The following ADGRB3 variants were observed in gnomAD, a reference collection of about 807,000 sequenced individuals.
ADGRB3 encodes brain-specific angiogenesis inhibitor 3.
Under a neutral mutation model 193.4 loss-of-function variants are expected in ADGRB3, and 37 were observed. The ratio of observed to expected loss-of-function variants is 0.19; its 90% CI spans 0.15 to 0.25. The LOEUF is 0.25. Ranked by LOEUF, ADGRB3 falls within the 10% of genes least tolerant of loss-of-function variation. The probability of loss-of-function intolerance (pLI) is 1.00; values close to 1 mark genes in which losing one functional copy is unlikely to be tolerated. For missense variants in ADGRB3, 1,637 were observed against 1,852.9 expected (o/e 0.88, Z 2.14); for synonymous variants, 690 against 644.2 (o/e 1.07, Z -1.08).
At chr6:69,355,554 T>A (rs1769320048) in intron 27 of ADGRB3, among the ~76,000 whole-genome samples, 1 of 152,228 alleles carries the variant, frequency 6.6e-6, no homozygotes, top group Admixed American at 6.5e-5. Context: ...TATATAGTAA[T>A]CAGTTTCCAG....
At chr6:69,090,379 CA>C (rs1772670621) in intron 17 of ADGRB3, among the ~76,000 whole-genome samples, 1 of 152,148 alleles carries the variant, frequency 6.6e-6, no homozygotes. Flanking sequence ...TGTCATTGGA[CA>C]GGCTATCCTT....
At chr6:68,999,622 T>G (rs1342543170) in intron 11 of ADGRB3, among the ~76,000 whole-genome samples, 1 of 152,212 alleles carries the variant, frequency 6.6e-6, no homozygotes, top group Admixed American at 6.5e-5. Context: ...AAGATATCTT[T>G]TGTTGTTGTT....
At chr6:69,023,953 G>C (rs1231404589) in intron 13 of ADGRB3, among the ~76,000 whole-genome samples, 1 of 152,020 alleles carries the variant, frequency 6.6e-6, no homozygotes, top group Non-Finnish European at 1.5e-5. Context: ...GAGTATTTTT[G>C]ACATATTAAT....
At chr6:68,719,388 G>A (rs559424975) in intron 3 of ADGRB3, among the ~76,000 whole-genome samples, 3 of 151,758 alleles carry the variant, frequency 2.0e-5, no homozygotes. Flanking sequence ...TATAAAGTTA[G>A]TTAAAATTTT....
At chr6:69,282,863 A>G (rs1010250527) in intron 20 of ADGRB3, among the ~76,000 whole-genome samples, 2 of 152,238 alleles carry the variant, frequency 1.3e-5, no homozygotes, top group Non-Finnish European at 2.9e-5. Flanking sequence ...CAGTCATGTT[A>G]TCATACAAAG....
Position 69,376,400 on chromosome 6 carries a change from T to C in ADGRB3, c.4275+3959T>C, listed in dbSNP as rs138501559. On this transcript the variant is annotated intron_variant, in intron 30 of 31. Transcript: ENST00000370598. ...GGCATGAGCCACCGTTCCTGGCCTA[T>C]GTAGCCTTTTAAAAACATTTTAGGA... is the stretch of plus-strand genomic sequence containing the variant. Among the ~76,000 whole-genome samples, 311 of 152,126 alleles carry C rather than the reference T, an allele frequency of 2.0e-3. 1 individual carries two copies. Among genetic ancestry groups the C allele is most frequent in the African/African-American group, 7.0e-3 (289 of 41,524 alleles).
At chr6:69,163,859 A>G (rs993924466) in intron 17 of ADGRB3, among the ~76,000 whole-genome samples, 1 of 152,148 alleles carries the variant, frequency 6.6e-6, no homozygotes, top group Non-Finnish European at 1.5e-5. Flanking sequence ...TGCATGTTGC[A>G]TTCAGAGTAG....
intron 3 of ADGRB3, among the ~76,000 whole-genome samples, chr6:68,892,041 T>A (rs1236981169): frequency 6.6e-6 from 1 of 152,242 alleles, no homozygotes; most frequent in Non-Finnish European, 1.5e-5. Flanking sequence ...TGAGGAACTA[T>A]ATTTTTTATT....
In ADGRB3 at chr6:69,119,543, T is replaced by C. The variant is rs1440612068; in HGVS notation, c.2480+43505T>C. Among the ~76,000 whole-genome samples the C allele has an allele frequency of 2.0e-5, 3 of 152,172 alleles. 1 individual carries two copies. Among genetic ancestry groups the C allele is most frequent in the Admixed American group, 2.0e-4 (3 of 15,272 alleles). On this transcript the variant is annotated intron_variant, in intron 17 of 31. Coordinates refer to ENST00000370598, the MANE Select transcript of ADGRB3 (RefSeq NM_001704.3). ...GGGATATGGTCAGCATAACACTCAC[T>C]GAGATGGGTGATTTCAGCAAAGACT...
At chr6:68,695,664 C>T (rs1464595734) in intron 3 of ADGRB3, among the ~76,000 whole-genome samples, 1 of 151,936 alleles carries the variant, frequency 6.6e-6, no homozygotes, top group East Asian at 1.9e-4. Context: ...TGGGTAACTT[C>T]TTAACTACTG....
intron 17 of ADGRB3, among the ~76,000 whole-genome samples, chr6:69,174,149 C>T (rs1472339458): frequency 2.6e-5 from 4 of 152,004 alleles, no homozygotes; most frequent in South Asian, 4.2e-4. Flanking sequence ...AGGCTTGTTA[C>T]CTGGGGATAT....
intron 3 of ADGRB3, among the ~76,000 whole-genome samples, chr6:68,668,765 T>G (rs966911587): frequency 5.3e-5 from 8 of 151,848 alleles, no homozygotes; most frequent in African/African-American, 1.9e-4. Flanking sequence ...GCTATTACCT[T>G]TACTAGAACC....
At chr6:68,858,017 G>C (rs775212089) in intron 3 of ADGRB3, among the ~76,000 whole-genome samples, 3 of 152,178 alleles carry the variant, frequency 2.0e-5, no homozygotes, top group Non-Finnish European at 4.4e-5. Context: ...GATGTGACTT[G>C]CTCCTCCTTG....
intron 17 of ADGRB3, among the ~76,000 whole-genome samples, chr6:69,172,300 T>A (rs185758693): frequency 1.1e-3 from 174 of 152,020 alleles, no homozygotes; most frequent in Middle Eastern, 0.01. Flanking sequence ...ACAGACGAGA[T>A]CCCTGCTATC....
At chr6:68,833,170 G>A (rs979390531) in intron 3 of ADGRB3, among the ~76,000 whole-genome samples, 1 of 151,888 alleles carries the variant, frequency 6.6e-6, no homozygotes, top group Admixed American at 6.6e-5. Flanking sequence ...ATACCTTAAT[G>A]TTTCTTGATT....
Position 68,697,892 on chromosome 6 carries a change from TATATA to T in ADGRB3, c.757+58467_757+58471del, listed in dbSNP as rs536844287. Among the ~76,000 whole-genome samples, 209 of 151,866 alleles carry T rather than the reference TATATA, an allele frequency of 1.4e-3. 1 individual carries two copies. The highest frequency in any genetic ancestry group is 2.6e-3 in the Non-Finnish European group (174 of 67,838). The stretch of plus-strand genomic sequence containing the variant: ...GTCAAATAATGTTGTACAAGTTATT[TATATA>T]ATATAAAATTATATTTCTTCATCTG... On this transcript the variant is annotated intron_variant, in intron 3 of 31. Transcript: ENST00000370598.
intron 15 of ADGRB3, among the ~76,000 whole-genome samples, chr6:69,061,664 T>C (rs1771753311): frequency 6.9e-6 from 1 of 144,604 alleles, no homozygotes; most frequent in African/African-American, 2.5e-5. Context: ...ACCTAATTGA[T>C]AAATACATCA....
chr6:69,025,488 C>A (rs1223113157), intron 13 of ADGRB3, among the ~76,000 whole-genome samples: 1 of 149,666 alleles, frequency 6.7e-6, no homozygotes, highest in Non-Finnish European at 1.5e-5. Context: ...CACTTGTAGT[C>A]TGTTGACATC....
intron 3 of ADGRB3, among the ~76,000 whole-genome samples, chr6:68,876,413 T>C (rs529501040): frequency 6.6e-6 from 1 of 152,310 alleles, no homozygotes; most frequent in African/African-American, 2.4e-5. Context: ...AAGCAGTATT[T>C]TGTTGATTTC....
Sources: allele counts gnomAD v4.1 joint callset (sites outside exome capture counted in the v4.1 genomes callset), GRCh38; gene constraint gnomAD v4.1.1; transcripts MANE v1.5; gene names NCBI Gene and HGNC (gene_info 2026-07-23, HGNC 2026-07-21).